MED12L: variants seen among roughly 807,000 people sequenced by gnomAD.
MED12L encodes mediator of RNA polymerase II transcription subunit 12-like protein.
Under a neutral mutation model 281.3 loss-of-function variants are expected in MED12L, and 60 were observed. The observed-to-expected ratio is 0.21, with a 90% CI of 0.17 to 0.26. MED12L has a LOEUF of 0.26. Among genes scored for constraint, MED12L ranks in the 10% least tolerant of loss-of-function variants. The pLI is 1.00. For synonymous variants in MED12L, 974 were observed against 987.2 expected (o/e 0.99, Z 0.25); for missense variants, 2,146 against 2,680.9 (o/e 0.80, Z 4.41).
chr3:151,397,647 G>T (rs977476928), intron 39 of MED12L, among the ~76,000 whole-genome samples: 4 of 152,166 alleles, frequency 2.6e-5, no homozygotes, highest in African/African-American at 7.2e-5. Flanking sequence ...AATATCTGTT[G>T]CTGGGCACAG....
At chr3:151,202,972 G>C (rs1307856769) in intron 16 of MED12L, 1 of 151,588 alleles carries the variant, frequency 6.6e-6, no homozygotes, top group Non-Finnish European at 1.5e-5. Flanking sequence ...GACCTATTTA[G>C]AGTTTAAAAA....
At chr3:151,117,268 C>T (rs577479219) in intron 3 of MED12L, among the ~76,000 whole-genome samples, 4 of 152,118 alleles carry the variant, frequency 2.6e-5, no homozygotes, top group African/African-American at 4.8e-5. Context: ...GTAGGGGCCC[C>T]GCTAACCTGG....
At chr3:151,349,051 G>C in intron 16 of MED12L, among the ~76,000 whole-genome samples, 1 of 152,220 alleles carries the variant, frequency 6.6e-6, no homozygotes, top group Middle Eastern at 3.2e-3. Flanking sequence ...AGTAAGAAAA[G>C]GAGGTTTACC....
chr3:151,141,108 C>T (rs1294848040), intron 5 of MED12L, among the ~76,000 whole-genome samples: 1 of 151,658 alleles, frequency 6.6e-6, no homozygotes, highest in Non-Finnish European at 1.5e-5. Flanking sequence ...ACCTTGTGAT[C>T]CACCTGCCTT....
intron 43 of MED12L, among the ~76,000 whole-genome samples, chr3:151,424,826 A>G (rs1381693191): frequency 6.6e-6 from 1 of 152,140 alleles, no homozygotes; most frequent in African/African-American, 2.4e-5. Flanking sequence ...TGCCGCTTGT[A>G]GGGACGGACG....
intron 38 of MED12L, among the ~76,000 whole-genome samples, chr3:151,393,407 C>G (rs1002006538): frequency 6.6e-6 from 1 of 152,106 alleles, no homozygotes; most frequent in South Asian, 2.1e-4. Context: ...TGCATTTTTA[C>G]ATAAGATTAA....
At chr3:151,309,119 G>A (rs1491977) in intron 16 of MED12L, among the ~76,000 whole-genome samples, 61,496 of 144,146 alleles carry the variant, frequency 0.43, 13,904 homozygotes, top group African/African-American at 0.65. Flanking sequence ...TGAAATACAC[G>A]CACACACACA....
At chr3:151,313,463 A>G (rs1021981155) in intron 16 of MED12L, among the ~76,000 whole-genome samples, 10 of 152,010 alleles carry the variant, frequency 6.6e-5, no homozygotes, top group African/African-American at 2.4e-4. Flanking sequence ...TGTGCTCCCT[A>G]CTGTTATGCT....
In MED12L at chr3:151,229,444, C is replaced by T. The variant is rs572015103; in HGVS notation, c.2250+35778C>T. The stretch of plus-strand genomic sequence containing the variant: ...GCGTCAGCCTCCCGAGTAGCTGGGA[C>T]TACAGGCTCGTGCCACCATGCCCGG... On this transcript the variant is annotated intron_variant, in intron 16 of 44. Transcript: ENST00000687756. 2.8e-4 allele frequency among the ~76,000 whole-genome samples: 41 copies of T among 147,846 alleles called. 1 individual carries two copies. Among genetic ancestry groups the T allele is most frequent in the African/African-American group, 9.5e-4 (38 of 40,004 alleles).
intron 25 of MED12L, among the ~76,000 whole-genome samples, chr3:151,368,545 G>A (rs1755566958): frequency 6.6e-6 from 1 of 151,466 alleles, no homozygotes; most frequent in African/African-American, 2.4e-5. Context: ...TACTGTGTGT[G>A]TTGGTTCTGA....
chr3:151,193,196 CACTT>C (rs1468300697), intron 15 of MED12L, among the ~76,000 whole-genome samples: 3 of 152,240 alleles, frequency 2.0e-5, no homozygotes, highest in Admixed American at 6.5e-5. Context: ...ACGAGGAAAA[CACTT>C]ACCCATAATT....
chr3:151,322,267 C>T (rs1473104994), intron 16 of MED12L, among the ~76,000 whole-genome samples: 2 of 152,296 alleles, frequency 1.3e-5, no homozygotes, highest in African/African-American at 2.4e-5. Context: ...CCCACTGCAA[C>T]CTCAACCTCC....
intron 44 of MED12L, among the ~76,000 whole-genome samples, chr3:151,430,932 G>T (rs1719431547): frequency 6.6e-6 from 1 of 151,222 alleles, no homozygotes; most frequent in African/African-American, 2.4e-5. Flanking sequence ...GTGCTGGTGT[G>T]GTGTTTTTGT....
chr3:151,124,314 T>G (rs1487416819), intron 4 of MED12L, among the ~76,000 whole-genome samples: 2 of 152,230 alleles, frequency 1.3e-5, no homozygotes, highest in Non-Finnish European at 2.9e-5. Context: ...GCCATTATTC[T>G]TCTTTCTTTA....
chr3:151,127,395 A>G (rs1039224067), intron 4 of MED12L, among the ~76,000 whole-genome samples: 1 of 152,218 alleles, frequency 6.6e-6, no homozygotes, highest in Admixed American at 6.5e-5. Context: ...CACACACAAA[A>G]AAAGGTCCTG....
At chr3:151,389,714 A>C (rs537983830) in intron 37 of MED12L, among the ~76,000 whole-genome samples, 1 of 152,284 alleles carries the variant, frequency 6.6e-6, no homozygotes, top group African/African-American at 2.4e-5. Flanking sequence ...ACACACTTGT[A>C]GTCTTTTGAA....
intron 17 of MED12L, among the ~76,000 whole-genome samples, chr3:151,351,678 G>C (rs886558823): frequency 6.6e-6 from 1 of 152,234 alleles, no homozygotes; most frequent in Non-Finnish European, 1.5e-5. Flanking sequence ...TTGGCAATGG[G>C]GTAGGGGGGA....
intron 11 of MED12L, among the ~76,000 whole-genome samples, chr3:151,184,492 A>C (rs1723043431): frequency 6.6e-6 from 1 of 152,116 alleles, no homozygotes; most frequent in Admixed American, 6.6e-5. Context: ...CATATTAAAA[A>C]CTTGTAGTTG....
chr3:151,337,472 T>C (rs984434693), intron 16 of MED12L: 2 of 221,588 alleles, frequency 9.0e-6, no homozygotes, highest in African/African-American at 4.7e-5. Context: ...AAAAATAAAA[T>C]TGTGAACGAT....
Sources: gnomAD v4.1 joint callset for allele counts (sites outside exome capture counted in the v4.1 genomes callset) on GRCh38, gnomAD v4.1.1 for gene constraint, MANE v1.5 for transcripts, NCBI Gene and HGNC (gene_info 2026-07-23, HGNC 2026-07-21) for gene names.